Variants in SOX5 observed in about 807,000 individuals in gnomAD.
The protein encoded by SOX5 is transcription factor SOX-5.
A neutral mutation model predicts 92.0 loss-of-function variants in SOX5; 9 were observed. The observed-to-expected ratio is 0.10, with a 90% CI of 0.06 to 0.17. The LOEUF is 0.17. Among genes scored for constraint, SOX5 ranks in the 10% least tolerant of loss-of-function variants. The pLI is 1.00. For missense variants in SOX5, 642 were observed against 944.5 expected (o/e 0.68, Z 4.20); for synonymous variants, 344 against 336.3 (o/e 1.02, Z -0.25).
intron 4 of SOX5, among the ~76,000 whole-genome samples, chr12:24,154,104 T>G (rs1385536918): frequency 6.6e-6 from 1 of 152,138 alleles, no homozygotes; most frequent in Non-Finnish European, 1.5e-5. Flanking sequence ...GAGATTCTTC[T>G]TCCTCTAGAT....
intron 1 of SOX5, among the ~76,000 whole-genome samples, chr12:24,409,331 G>A (rs1381630314): frequency 6.6e-6 from 1 of 152,108 alleles, no homozygotes; most frequent in Non-Finnish European, 1.5e-5. Context: ...ACCAGAGCCT[G>A]CTGTGGGGTG....
chr12:24,044,632 A>C (rs979904520), intron 4 of SOX5, among the ~76,000 whole-genome samples: 4 of 152,232 alleles, frequency 2.6e-5, no homozygotes, highest in African/African-American at 9.6e-5. Flanking sequence ...GAGTTAAAAA[A>C]TTCCTGGCTA....
intron 4 of SOX5, among the ~76,000 whole-genome samples, chr12:24,103,178 G>A (rs1487826114): frequency 6.6e-6 from 1 of 152,092 alleles, no homozygotes; most frequent in African/African-American, 2.4e-5. Flanking sequence ...TTGTACAAGA[G>A]GTTCATATAC....
intron 3 of SOX5, among the ~76,000 whole-genome samples, chr12:24,243,158 A>G (rs1937816366): frequency 6.6e-6 from 1 of 152,178 alleles, no homozygotes; most frequent in South Asian, 2.1e-4. Context: ...ACAAGAATTT[A>G]AAAAGAACCC....
In SOX5 at chr12:24,393,646, T is replaced by C. The variant is rs1303411442; in HGVS notation, c.-250-25007A>G. Among the ~76,000 whole-genome samples, 1 of 152,242 alleles carries C rather than the reference T, an allele frequency of 6.6e-6. No individual in the cohort carries two copies. Among genetic ancestry groups the C allele is most frequent in the Non-Finnish European group, 1.5e-5 (1 of 68,040 alleles). On this transcript the variant is annotated intron_variant, in intron 1 of 4. Coordinates refer to the SOX5 transcript ENST00000446891. The surrounding 1 kb of genome is among the most constrained non-coding windows in gnomAD (Gnocchi z 5.0). ...TTTATACGGATTACGCTTTAAGACA[T>C]GGCCCTTGTCATGGAAACTAGTGCT...
At chr12:24,060,596 A>G (rs1057196398) in intron 4 of SOX5, among the ~76,000 whole-genome samples, 1 of 152,184 alleles carries the variant, frequency 6.6e-6, no homozygotes, top group East Asian at 1.9e-4. Context: ...TTCCTACGGG[A>G]AACAACTAGA....
chr12:23,561,689 A>T (rs1946227237), intron 11 of SOX5, among the ~76,000 whole-genome samples: 1 of 152,078 alleles, frequency 6.6e-6, no homozygotes, highest in Non-Finnish European at 1.5e-5. Flanking sequence ...CTTTGCAAGT[A>T]TATAGAACTC....
intron 9 of SOX5, among the ~76,000 whole-genome samples, chr12:23,596,291 C>G (rs1319774198): frequency 6.6e-6 from 1 of 152,080 alleles, no homozygotes; most frequent in Admixed American, 6.6e-5. Flanking sequence ...TTTATTTTCT[C>G]TAGTGGAAAA....
intron 3 of SOX5, among the ~76,000 whole-genome samples, chr12:24,276,296 A>G (rs1303191294): frequency 1.3e-5 from 2 of 152,072 alleles, no homozygotes; most frequent in African/African-American, 4.8e-5. Context: ...GATTTTAACA[A>G]TTTTGTTTTT....
At chr12:24,547,178 A>ATTT (rs575562827) in intron 1 of SOX5, among the ~76,000 whole-genome samples, 31 of 99,764 alleles carry the variant, frequency 3.1e-4, no homozygotes, top group African/African-American at 5.6e-4. Flanking sequence ...GATATCTAAC[A>ATTT]TTTTTTTTTT....
chr12:24,386,341 C>G (rs534378403), intron 1 of SOX5, among the ~76,000 whole-genome samples: 3 of 151,976 alleles, frequency 2.0e-5, no homozygotes, highest in Non-Finnish European at 4.4e-5. Context: ...TTTATTAAAC[C>G]CTACTAGGTT....
intron 3 of SOX5, among the ~76,000 whole-genome samples, chr12:23,820,599 T>C (rs1413809619): frequency 1.3e-5 from 2 of 152,350 alleles, no homozygotes; most frequent in African/African-American, 4.8e-5. Flanking sequence ...TTAATTTTTG[T>C]ATAAAGTATA....
chr12:24,014,957 C>A (rs1421706197), intron 4 of SOX5, among the ~76,000 whole-genome samples: 1 of 152,010 alleles, frequency 6.6e-6, no homozygotes, highest in Admixed American at 6.6e-5. Context: ...AACTTTGGAG[C>A]TTATCTCTTT....
At chr12:24,388,179 T>C (rs947808538) in intron 1 of SOX5, among the ~76,000 whole-genome samples, 1 of 152,162 alleles carries the variant, frequency 6.6e-6, no homozygotes, top group African/African-American at 2.4e-5. Context: ...ATTCACTTCA[T>C]TTGGAGGTAA....
intron 4 of SOX5, among the ~76,000 whole-genome samples, chr12:24,087,403 C>A (rs975160692): frequency 4.6e-5 from 7 of 151,982 alleles, no homozygotes; most frequent in Admixed American, 2.0e-4. Context: ...CTTTATTACT[C>A]GTCATCTCTT....
intron 4 of SOX5, among the ~76,000 whole-genome samples, chr12:24,070,586 T>TA (rs59559511): frequency 0.015 from 2,231 of 148,764 alleles, 26 homozygotes; most frequent in African/African-American, 0.03. Context: ...TATTGTTTTT[T>TA]AAAAAAAAAA....
intron 6 of SOX5, among the ~76,000 whole-genome samples, chr12:23,688,160 G>A (rs1387873432): frequency 6.6e-6 from 1 of 152,012 alleles, no homozygotes; most frequent in Non-Finnish European, 1.5e-5. Context: ...CTGTGAAATA[G>A]AATGGCCTGA....
chr12:23,731,603 C>T (rs1199735206), intron 6 of SOX5, among the ~76,000 whole-genome samples: 1 of 152,030 alleles, frequency 6.6e-6, no homozygotes, highest in Non-Finnish European at 1.5e-5. Context: ...CAACAATGAG[C>T]AAAATGTAGG....
chr12:23,857,786 G>A (rs1485872496), intron 2 of SOX5, among the ~76,000 whole-genome samples: 1 of 150,304 alleles, frequency 6.7e-6, no homozygotes, highest in East Asian at 2.0e-4. Flanking sequence ...AGGCTGGAGT[G>A]CAGTGGCACG....
Sources: allele counts gnomAD v4.1 joint callset (sites outside exome capture counted in the v4.1 genomes callset), GRCh38; gene constraint gnomAD v4.1.1; non-coding constraint Gnocchi (gnomAD v3.1); transcripts MANE v1.5; gene names NCBI Gene and HGNC (gene_info 2026-07-23, HGNC 2026-07-21).